Variants in ELF5 observed in about 807,000 individuals in gnomAD.
ELF5 encodes E74 like ETS transcription factor 5, also known as ETS-related transcription factor Elf-5.
In ELF5, 31 loss-of-function variants were observed where a neutral mutation model predicts 38.2. The observed-to-expected ratio is 0.81, with a 90% CI of 0.61 to 1.10. ELF5 has a LOEUF of 1.10. Among genes scored for constraint, ELF5 ranks in the 50% least tolerant of loss-of-function variants. The pLI, the probability that ELF5 is intolerant of heterozygous loss-of-function variation, is 0.00. For missense variants in ELF5, 300 were observed against 306.6 expected (o/e 0.98, Z 0.16); for synonymous variants, 121 against 112.5 (o/e 1.08, Z -0.48).
chr11:34,504,464 G>T (rs1402686569), intron 2 of ELF5, among the ~76,000 whole-genome samples: 1 of 152,142 alleles, frequency 6.6e-6, no homozygotes, highest in Non-Finnish European at 1.5e-5. Flanking sequence ...GTGTGGGATT[G>T]CATTATGTAG....
At chr11:34,498,352 A>AT (rs72228654) in intron 2 of ELF5, among the ~76,000 whole-genome samples, 40 of 148,640 alleles carry the variant, frequency 2.7e-4, no homozygotes, top group East Asian at 3.9e-4. Context: ...AACACTTCTA[A>AT]TTTTTTTTTT....
chr11:34,493,462 G>C lies in ELF5; in HGVS notation c.355+17C>G, dbSNP rs72558003. On this transcript the variant is annotated intron_variant, in intron 3 of 6. Coordinates refer to ENST00000257832, the MANE Select transcript of ELF5 (RefSeq NM_001422.4). ...TCCTGGTCCCTCCCCTGGAGGTCTG[G>C]CCCTCTGAACACTGACCTTGTGTGC... is the stretch of plus-strand genomic sequence containing the variant. The C allele has an allele frequency of 6.2e-7, 1 of 1,608,748 alleles. No homozygotes were observed. Among genetic ancestry groups the C allele is most frequent in the Non-Finnish European group, 8.5e-7 (1 of 1,176,970 alleles).
chr11:34,488,769 G>A (rs1245849061), intron 4 of ELF5, among the ~76,000 whole-genome samples: 1 of 152,216 alleles, frequency 6.6e-6, no homozygotes, highest in Non-Finnish European at 1.5e-5. Flanking sequence ...AGAAAGGGTT[G>A]GTCAGGTCTA....
chr11:34,494,049 A>T (rs1213884580), intron 2 of ELF5, among the ~76,000 whole-genome samples: 1 of 152,266 alleles, frequency 6.6e-6, no homozygotes, highest in Non-Finnish European at 1.5e-5. Context: ...TGATATCAAA[A>T]GCACAAACTC....
At position 34,493,453 on chromosome 11, in the gene ELF5, G is replaced by T. The variant is rs755869343; in HGVS notation, c.355+26C>A. ...TGGTCCTAATCCTGGTCCCTCCCCTGGAGGTCTGGCCCTCTGAACACTGAC... is the reference window on the plus strand; with the variant it reads ...TGGTCCTAATCCTGGTCCCTCCCCTTGAGGTCTGGCCCTCTGAACACTGAC... On this transcript the variant is annotated intron_variant, in intron 3 of 6. Coordinates refer to ENST00000257832, the MANE Select transcript of ELF5 (RefSeq NM_001422.4). 8.1e-6 allele frequency: 13 copies of T among 1,602,514 alleles called. No homozygotes were observed. The Admixed American group carries it at 2.2e-4, about 27-fold the overall frequency.
chr11:34,480,953 G>A lies in ELF5; in HGVS notation c.490C>T (p.His164Tyr). Residue 164 changes from histidine (H) to tyrosine (Y), a missense_variant, in exon 6 of 7, where the codon CAT becomes TAT. His to Tyr is a moderately conservative substitution (Grantham distance 83). Transcript: ENST00000257832. ...AGGTCTCGTACAAATTCCCATAGAT[G>A]AGAACTTTGGAGGCCTTTTGAAAAG... ...SHSRTSLQSS[H>Y]LWEFVRDLLL... 1 of 1,609,346 alleles carries A rather than the reference G, an allele frequency of 6.2e-7. No individual in the cohort carries two copies. Among genetic ancestry groups the A allele is most frequent in the Non-Finnish European group, 8.5e-7 (1 of 1,178,158 alleles).
At chr11:34,482,925 G>A (rs541102189) in intron 4 of ELF5, among the ~76,000 whole-genome samples, 2 of 152,068 alleles carry the variant, frequency 1.3e-5, no homozygotes, top group Non-Finnish European at 2.9e-5. Context: ...CGTTAACTCC[G>A]TGCTGATTTA....
intron 2 of ELF5, 103 bp from the exon 3 acceptor site, chr11:34,493,815 A>C: frequency 2.0e-6 from 2 of 1,014,814 alleles, no homozygotes; most frequent in Non-Finnish European, 2.9e-6. Flanking sequence ...TTCCTCAGCC[A>C]ATAAGTTGAA....
chr11:34,491,157 T>C (rs1290869469), intron 3 of ELF5, among the ~76,000 whole-genome samples: 1 of 152,176 alleles, frequency 6.6e-6, no homozygotes, highest in African/African-American at 2.4e-5. Context: ...CCCAGTCAAC[T>C]GTAGAATTTA....
At chr11:34,485,072 A>G (rs188335250) in intron 4 of ELF5, among the ~76,000 whole-genome samples, 1 of 152,240 alleles carries the variant, frequency 6.6e-6, no homozygotes, top group East Asian at 1.9e-4. Flanking sequence ...GCACTTACTA[A>G]ATGCCAAGTG....
intron 2 of ELF5, among the ~76,000 whole-genome samples, chr11:34,495,519 C>G (rs16925656): frequency 0.024 from 3,724 of 152,214 alleles, 164 homozygotes; most frequent in African/African-American, 0.086. Context: ...TTGGGCTATT[C>G]CACAAAAAAG....
intron 2 of ELF5, among the ~76,000 whole-genome samples, chr11:34,493,926 G>A (rs973176631): frequency 5.9e-5 from 9 of 152,180 alleles, no homozygotes; most frequent in South Asian, 2.1e-4. Context: ...TGGCATCATA[G>A]AGGGAATGAC....
intron 5 of ELF5, 117 bp from the exon 6 acceptor site, chr11:34,481,084 G>A (rs988907808): frequency 1.0e-5 from 8 of 778,254 alleles, no homozygotes; most frequent in African/African-American, 1.8e-5. Flanking sequence ...GAGCAATGGT[G>A]CGATCTCGGC....
At chr11:34,481,972 G>C (rs756424032) in intron 5 of ELF5, among the ~76,000 whole-genome samples, 5 of 152,188 alleles carry the variant, frequency 3.3e-5, no homozygotes, top group African/African-American at 1.2e-4. Flanking sequence ...GCTCTGGGCC[G>C]ATCTCTTAGT....
chr11:34,511,777 G>A (rs901979919), intron 1 of ELF5: 1 of 592,396 alleles, frequency 1.7e-6, no homozygotes, highest in East Asian at 2.9e-5. Flanking sequence ...CCAGAGAGAG[G>A]GGAAGGAGCA....
At chr11:34,483,909 A>G (rs1179965115) in intron 4 of ELF5, among the ~76,000 whole-genome samples, 7 of 151,784 alleles carry the variant, frequency 4.6e-5, no homozygotes, top group African/African-American at 7.3e-5. Context: ...GTACTATACT[A>G]TACTAACTGT....
intron 1 of ELF5, among the ~76,000 whole-genome samples, chr11:34,512,644 T>C (rs1459388462): frequency 6.6e-6 from 1 of 151,978 alleles, no homozygotes; most frequent in Non-Finnish European, 1.5e-5. Context: ...AATACATATA[T>C]TCAATCCTGT....
At chr11:34,486,385 T>C (rs1849997551) in intron 4 of ELF5, among the ~76,000 whole-genome samples, 1 of 152,154 alleles carries the variant, frequency 6.6e-6, no homozygotes, top group South Asian at 2.1e-4. Context: ...TTTGGCCAGC[T>C]CTGACAGTTT....
At position 34,480,009 on chromosome 11, in the gene ELF5, A is replaced by T. The variant is rs1171223815; in HGVS notation, c.*209T>A. The T allele has an allele frequency of 1.7e-6, 1 of 572,346 alleles. No individual in the cohort carries two copies. Among genetic ancestry groups the T allele is most frequent in the African/African-American group, 1.9e-5 (1 of 53,036 alleles). The allele number at this position is 572,346 out of a possible 1,614,324, so 35.5% of individuals were successfully genotyped here. A position where few individuals can be genotyped will look rare whatever the true frequency, so the allele number is the denominator to read the frequency against. ...AGATCATCCCCTCATCCCCTTAGGGAGAAGAAAGGATTTCTTAAGAGTTTC... is the reference window on the plus strand; with the variant it reads ...AGATCATCCCCTCATCCCCTTAGGGTGAAGAAAGGATTTCTTAAGAGTTTC... On this transcript the variant is annotated 3_prime_UTR_variant, in exon 7 of 7. Transcript: ENST00000257832.
Sources: allele counts gnomAD v4.1 joint callset (sites outside exome capture counted in the v4.1 genomes callset), GRCh38; gene constraint gnomAD v4.1.1; transcripts MANE v1.5; gene names NCBI Gene and HGNC (gene_info 2026-07-23, HGNC 2026-07-21).